The following SLCO3A1 variants were observed in gnomAD, a reference collection of about 807,000 sequenced individuals.
SLCO3A1 encodes the protein PGE1 transporter.
In SLCO3A1, 27 loss-of-function variants were observed where a neutral mutation model predicts 63.1. The observed-to-expected ratio is 0.43, with a 90% CI of 0.32 to 0.59. The LOEUF (loss-of-function observed/expected upper bound fraction) is 0.59, where lower values mean the gene tolerates loss of function less well. SLCO3A1 is among the 20% of genes least tolerant of loss of function. The pLI is 0.09. For synonymous variants in SLCO3A1, 473 were observed against 409.9 expected (o/e 1.15, Z -1.86); for missense variants, 773 against 945.8 (o/e 0.82, Z 2.40).
intron 2 of SLCO3A1, among the ~76,000 whole-genome samples, chr15:91,978,299 T>G (rs1901196030): frequency 6.6e-6 from 1 of 152,204 alleles, no homozygotes; most frequent in South Asian, 2.1e-4. Flanking sequence ...ACATTTCCAG[T>G]CCTTTAATTC....
At chr15:91,963,400 G>T (rs1328252083) in intron 2 of SLCO3A1, among the ~76,000 whole-genome samples, 2 of 128,290 alleles carry the variant, frequency 1.6e-5, no homozygotes, top group Admixed American at 1.5e-4. Flanking sequence ...GGTTTAACTC[G>T]GGGAGGGTGG....
chr15:92,139,402 A>G (rs2151579264), intron 7 of SLCO3A1, among the ~76,000 whole-genome samples: 2 of 152,196 alleles, frequency 1.3e-5, no homozygotes, highest in East Asian at 3.9e-4. Flanking sequence ...GGATTTTGGC[A>G]TCAATGTTCA....
At chr15:91,953,936 G>A (rs1900082630) in intron 2 of SLCO3A1, among the ~76,000 whole-genome samples, 1 of 152,188 alleles carries the variant, frequency 6.6e-6, no homozygotes, top group Non-Finnish European at 1.5e-5. Context: ...ATGGTTCTCA[G>A]ACTTTTCATT....
intron 2 of SLCO3A1, among the ~76,000 whole-genome samples, chr15:92,037,091 A>G (rs1341684281): frequency 6.6e-6 from 1 of 152,238 alleles, no homozygotes; most frequent in Admixed American, 6.5e-5. Context: ...ATACGGTAGC[A>G]TCATGCCGTG....
intron 2 of SLCO3A1, among the ~76,000 whole-genome samples, chr15:91,971,060 C>A (rs115951460): frequency 0.033 from 5,058 of 152,128 alleles, 276 homozygotes; most frequent in African/African-American, 0.12. Flanking sequence ...GGTGGGGAAA[C>A]ATTTGAGTTG....
intron 2 of SLCO3A1, among the ~76,000 whole-genome samples, chr15:92,049,856 C>G (rs767787890): frequency 1.3e-5 from 2 of 152,128 alleles, no homozygotes; most frequent in Non-Finnish European, 2.9e-5. Flanking sequence ...AAAGAAGACT[C>G]GACAGCTTTG....
At chr15:92,098,736 C>A (rs182252271) in intron 3 of SLCO3A1, among the ~76,000 whole-genome samples, 1 of 152,206 alleles carries the variant, frequency 6.6e-6, no homozygotes, top group Admixed American at 6.5e-5. Flanking sequence ...AGAATTCAAG[C>A]ACTGGAATCA....
chr15:92,125,984 C>A, intron 5 of SLCO3A1, 77 bp from the exon 6 acceptor site: 1 of 1,293,582 alleles, frequency 7.7e-7, no homozygotes, highest in Non-Finnish European at 1.1e-6. Flanking sequence ...GACTCAGCCT[C>A]AGGCCTGCTG....
In SLCO3A1 at chr15:91,991,984, G is replaced by A. The variant is rs1235031879; in HGVS notation, c.646+75526G>A. 3.3e-5 allele frequency among the ~76,000 whole-genome samples: 5 copies of A among 152,332 alleles called. No individual in the cohort carries two copies. In the South Asian group the frequency reaches 6.2e-4, roughly 19 times the overall value. On this transcript the variant is annotated intron_variant, in intron 2 of 9. Transcript: ENST00000318445. Reference sequence around the variant, plus strand: ...TAGATAGAAAAGAATTGCTGGGATGGCACCAGAGTGATAATTGATAGACTT... The same window carrying A: ...TAGATAGAAAAGAATTGCTGGGATGACACCAGAGTGATAATTGATAGACTT...
At chr15:91,996,469 T>C (rs1567057978) in intron 2 of SLCO3A1, among the ~76,000 whole-genome samples, 1 of 152,132 alleles carries the variant, frequency 6.6e-6, no homozygotes, top group Non-Finnish European at 1.5e-5. Context: ...ATAGGGATTT[T>C]CATGGGGGTT....
chr15:92,037,302 A>T (rs538520158), intron 2 of SLCO3A1, among the ~76,000 whole-genome samples: 2 of 152,220 alleles, frequency 1.3e-5, no homozygotes, highest in Non-Finnish European at 2.9e-5. Flanking sequence ...GGATTCATGC[A>T]TTCTTCATTA....
intron 7 of SLCO3A1, among the ~76,000 whole-genome samples, chr15:92,134,482 G>T (rs956081386): frequency 6.6e-6 from 1 of 152,134 alleles, no homozygotes; most frequent in African/African-American, 2.4e-5. Flanking sequence ...AGCACCCAAA[G>T]CAACACCTAA....
chr15:92,068,204 G>A (rs1332266434), intron 2 of SLCO3A1, among the ~76,000 whole-genome samples: 2 of 152,216 alleles, frequency 1.3e-5, no homozygotes, highest in Non-Finnish European at 2.9e-5. Flanking sequence ...GAAGCTATTT[G>A]TGTCTTTCAT....
rs565476819 is a variant in SLCO3A1, at chr15:92,112,797, A to G, written c.1010-7668A>G. Among the ~76,000 whole-genome samples, 123 of 152,336 alleles carry G rather than the reference A, an allele frequency of 8.1e-4. 3 individuals are homozygous for G. The South Asian group carries it at 0.025, about 31-fold the overall frequency. Reference sequence around the variant, plus strand: ...TCTGAGAAGGGCTGCTGTAAACTCAACACTTGAGGAAATACCATCAGGAAC... The same window carrying G: ...TCTGAGAAGGGCTGCTGTAAACTCAGCACTTGAGGAAATACCATCAGGAAC... On this transcript the variant is annotated intron_variant, in intron 4 of 9. Coordinates refer to ENST00000318445, the MANE Select transcript of SLCO3A1 (RefSeq NM_013272.4).
rs774015900 is a variant in SLCO3A1, at chr15:91,942,142, G to A, written c.646+25684G>A. ...TTAGGAAATCATAATTTTGGATCAC[G>A]GCAGCTTTTCTTATTAAAATTTTAC... On this transcript the variant is annotated intron_variant, in intron 2 of 9. Coordinates refer to ENST00000318445, the MANE Select transcript of SLCO3A1 (RefSeq NM_013272.4). The surrounding 1 kb of genome is among the most constrained non-coding windows in gnomAD (Gnocchi z 4.1). Among the ~76,000 whole-genome samples the A allele has an allele frequency of 3.9e-5, 6 of 152,078 alleles. No homozygotes were observed. The highest frequency in any genetic ancestry group is 2.6e-4 in the Admixed American group (4 of 15,262).
intron 2 of SLCO3A1, among the ~76,000 whole-genome samples, chr15:92,065,435 T>C (rs2047139277): frequency 6.6e-6 from 1 of 152,112 alleles, no homozygotes; most frequent in Non-Finnish European, 1.5e-5. Context: ...TATCAGAATA[T>C]CACATGTACC....
intron 2 of SLCO3A1, among the ~76,000 whole-genome samples, chr15:92,083,119 A>T (rs567336627): frequency 3.9e-5 from 6 of 152,310 alleles, no homozygotes; most frequent in Admixed American, 6.5e-5. Context: ...CGAAATGATC[A>T]CTTTCCTTGT....
intron 4 of SLCO3A1, among the ~76,000 whole-genome samples, chr15:92,109,868 G>A (rs988852562): frequency 1.3e-5 from 2 of 152,138 alleles, no homozygotes; most frequent in African/African-American, 2.4e-5. Context: ...CTGGCAGGCG[G>A]TTGGGGAGAC....
rs1385756591 is a variant in SLCO3A1, at chr15:91,912,379, GC to G, written c.181-3612del. Among the ~76,000 whole-genome samples the G allele has an allele frequency of 1.3e-5, 2 of 152,188 alleles. No individual in the cohort carries two copies. Among genetic ancestry groups the G allele is most frequent in the Non-Finnish European group, 2.9e-5 (2 of 68,034 alleles). ...GACTGGCATTGCAGCCCAGCAGAAG[GC>G]CACAGGTCAAGGAGGGAAAGACCGT... On this transcript the variant is annotated intron_variant, in intron 1 of 9. Coordinates refer to ENST00000318445, the MANE Select transcript of SLCO3A1 (RefSeq NM_013272.4). The surrounding 1 kb of genome is among the most constrained non-coding windows in gnomAD (Gnocchi z 5.0).
Sources: allele counts gnomAD v4.1 joint callset (sites outside exome capture counted in the v4.1 genomes callset), GRCh38; gene constraint gnomAD v4.1.1; non-coding constraint Gnocchi (gnomAD v3.1); transcripts MANE v1.5; gene names NCBI Gene and HGNC (gene_info 2026-07-23, HGNC 2026-07-21).